The following MYBBP1A variants were observed in gnomAD, a reference collection of about 807,000 sequenced individuals.
The protein encoded by MYBBP1A is myb-binding protein 1A.
Under a neutral mutation model 136.3 loss-of-function variants are expected in MYBBP1A, and 147 were observed. That is an observed-to-expected ratio of 1.08 (90% CI 0.94 to 1.24). The LOEUF is 1.24. Ranked by LOEUF, MYBBP1A falls within the 50% of genes most tolerant of loss-of-function variation. MYBBP1A has a pLI of 0.00. For missense variants in MYBBP1A, 2,060 were observed against 1,727.4 expected, an observed-to-expected ratio of 1.19 and a Z score of -3.41; for synonymous variants, 947 against 735.8, an observed-to-expected ratio of 1.29 and a Z score of -4.65.
rs764255430 is a variant in MYBBP1A at position 4,543,111 on chromosome 17, C to T, written c.2694G>A (p.Gly898=). The T allele has an allele frequency of 1.2e-6, 2 of 1,612,306 alleles. No individual in the cohort carries two copies. Among genetic ancestry groups the T allele is most frequent in the Non-Finnish European group, 1.7e-6 (2 of 1,179,476 alleles). The change falls in exon 20 of 26, where the codon GGG becomes GGA. Residue 898 remains glycine (G), a synonymous_variant. Coordinates refer to ENST00000254718, the MANE Select transcript of MYBBP1A (RefSeq NM_014520.4). The stretch of plus-strand genomic sequence containing the variant: ...ACCGCTCCACCTGGGCGTGCAGGGC[C>T]CCTGCGCGCTCACCCAAGTCGTGGC... ...RYCHDLGERA[G]ALHAQVERLV... is the part of the protein sequence containing the mutation.
At chr17:4,554,810 C>T (rs1567615749) in intron 2 of MYBBP1A, 51 bp downstream of exon 2, 1 of 1,568,962 alleles carries the variant, frequency 6.4e-7, no homozygotes, top group Non-Finnish European at 8.7e-7. Context: ...CTCCTCATAC[C>T]CCACCATTTT....
At position 4,544,860 on chromosome 17, in the gene MYBBP1A, T is replaced by C. The variant is rs1439727293; in HGVS notation, c.2372A>G (p.Gln791Arg). Residue 791 changes from glutamine to arginine, a missense_variant, in exon 18 of 26, where the codon CAG (glutamine) becomes CGG (arginine). Physicochemically the swap from Gln to Arg is conservative, Grantham distance 43. Coordinates refer to ENST00000254718, the MANE Select transcript of MYBBP1A (RefSeq NM_014520.4). ...LGDEAMMALDQSLASLFAEQK... is the reference protein window; with the variant it reads ...LGDEAMMALDRSLASLFAEQK... ...CTCGGCAAAGAGGCTGGCGAGGCTCTGGTCCAGGGCCATCATGGCCTCATC... is the reference window on the plus strand; with the variant it reads ...CTCGGCAAAGAGGCTGGCGAGGCTCCGGTCCAGGGCCATCATGGCCTCATC... 2 of 1,608,152 alleles carry C rather than the reference T, an allele frequency of 1.2e-6. No homozygotes were observed. The highest frequency in any genetic ancestry group is 1.7e-6 in the Non-Finnish European group (2 of 1,177,946).
Position 4,548,668 on chromosome 17 carries a change from TG to T in MYBBP1A, c.1431-20del, listed in dbSNP as rs1907226194. 1 of 1,612,738 alleles carries T rather than the reference TG, an allele frequency of 6.2e-7. No homozygotes were observed. The highest frequency in any genetic ancestry group is 2.2e-5 in the East Asian group (1 of 44,808). Reference sequence around the variant, plus strand: ...ACAAAACCTGGGGAGGGTGGGAGAGTGGCCATAGCCATTCACTGCCATTGGT... The same window carrying T: ...ACAAAACCTGGGGAGGGTGGGAGAGTGCCATAGCCATTCACTGCCATTGGT... On this transcript the variant is annotated intron_variant, in intron 10 of 25. Transcript: ENST00000254718. The surrounding 1 kb of genome is among the most constrained non-coding windows in gnomAD (Gnocchi z 4.2).
intron 8 of MYBBP1A, 142 bp from the exon 9 acceptor site, chr17:4,550,495 G>A (rs1597387695): frequency 1.1e-6 from 1 of 897,144 alleles, no homozygotes; most frequent in South Asian, 1.6e-5. Flanking sequence ...CCAGGCTTGT[G>A]CCCACTACAG....
Position 4,555,166 on chromosome 17 carries a change from G to T in MYBBP1A, c.159C>A (p.Ala53=), listed in dbSNP as rs1384112426. ...GCAGATACTCCAGCAGCTTCTCCGT[G>T]GCCGCAAGTCGCGTCTCCTGCTCAG... ...AKPEQETRLA[A]TEKLLEYLRG... The change falls in exon 1 of 26, where the codon GCC becomes GCA. Residue 53 remains alanine, a synonymous_variant. Transcript: ENST00000254718. 6.2e-7 allele frequency: 1 copy of T among 1,603,038 alleles called. No homozygotes were observed. Among genetic ancestry groups the T allele is most frequent in the Non-Finnish European group, 8.5e-7 (1 of 1,174,982 alleles).
chr17:4,544,981 C>A (rs780196289), intron 17 of MYBBP1A, 45 bp downstream of exon 17: 5 of 1,520,748 alleles, frequency 3.3e-6, no homozygotes, highest in South Asian at 1.2e-5. Flanking sequence ...CATGGGGACA[C>A]CCGAGCCCTC....
intron 25 of MYBBP1A, 94 bp from the exon 26 acceptor site, chr17:4,540,061 C>T (rs371251112): frequency 9.8e-6 from 14 of 1,428,810 alleles, no homozygotes; most frequent in Non-Finnish European, 1.3e-5. Context: ...TGAGGGTCCT[C>T]TGAGGCCCCT....
intron 2 of MYBBP1A, 42 bp from the exon 3 acceptor site, chr17:4,554,320 G>A (rs1191229159): frequency 2.6e-6 from 4 of 1,566,766 alleles, no homozygotes; most frequent in Non-Finnish European, 3.5e-6. Flanking sequence ...GTTCAGGAGA[G>A]TGGCCCAACT....
Position 4,552,358 on chromosome 17 carries a change from C to T in MYBBP1A, c.738-66G>A, listed in dbSNP as rs2061712256. 6 of 1,605,170 alleles carry T rather than the reference C, an allele frequency of 3.7e-6. No individual in the cohort carries two copies. In the South Asian group the frequency reaches 5.5e-5, roughly 15 times the overall value. On this transcript the variant is annotated intron_variant, in intron 6 of 25. Coordinates refer to ENST00000254718, the MANE Select transcript of MYBBP1A (RefSeq NM_014520.4). This position sits in a 1 kb window ranked among gnomAD's most constrained non-coding sequence, Gnocchi z 4.7. ...GCAAGGGCCAGGGTGACAAGAGCAG[C>T]CGGGACACCCCCAGGCCAAACGACA...
At chr17:4,553,676 A>G (rs893842208) in intron 5 of MYBBP1A, 134 bp downstream of exon 5, 8 of 656,166 alleles carry the variant, frequency 1.2e-5, no homozygotes, top group Non-Finnish European at 1.8e-5. Context: ...CTTTTCAACA[A>G]AGTCACTGAA....
intron 13 of MYBBP1A, among the ~76,000 whole-genome samples, 169 bp from the exon 14 acceptor site, chr17:4,546,111 G>A (rs938139573): frequency 1.3e-5 from 2 of 152,164 alleles, no homozygotes; most frequent in African/African-American, 4.8e-5. Flanking sequence ...GACCCCAGCT[G>A]GACACCCCAA....
intron 13 of MYBBP1A, chr17:4,547,737 A>G (rs910569675): frequency 1.9e-5 from 9 of 473,718 alleles, no homozygotes; most frequent in African/African-American, 1.4e-4. Context: ...AGCTGTGGGG[A>G]TTACGAGATC....
chr17:4,552,577 T>G lies in MYBBP1A; in HGVS notation c.611A>C (p.Asp204Ala). 2 of 1,613,946 alleles carry G rather than the reference T, an allele frequency of 1.2e-6. No homozygotes were observed. Among genetic ancestry groups the G allele is most frequent in the Non-Finnish European group, 1.7e-6 (2 of 1,180,012 alleles). The stretch of plus-strand genomic sequence containing the variant: ...AGGGGAGCTGAGTATTATATTCAAG[T>G]CGGCTTTGAGGACCTCCGGCAGGAT... The part of the protein sequence containing the change: ...QEILPEVLKA[D>A]LNIILSSPEQ... Residue 204 changes from aspartate to alanine, a missense_variant, in exon 6 of 26, where the codon GAC becomes GCC. By Grantham distance (126) the Asp-to-Ala change is moderately radical. Transcript: ENST00000254718. The surrounding 1 kb of genome is among the most constrained non-coding windows in gnomAD (Gnocchi z 4.7).
At chr17:4,546,641 A>C (rs74640976) in intron 13 of MYBBP1A, among the ~76,000 whole-genome samples, 1,648 of 152,342 alleles carry the variant, frequency 0.011, 27 homozygotes, top group African/African-American at 0.034. Flanking sequence ...GAAAGTCATT[A>C]GTTTTAACTA....
At position 4,539,928 on chromosome 17, in the gene MYBBP1A, G is replaced by A. The variant is rs764958122; in HGVS notation, c.3474C>T (p.Pro1158=). The change falls in exon 26 of 26, where the codon CCC becomes CCT. Residue 1158 remains proline, a synonymous_variant. Coordinates refer to ENST00000254718, the MANE Select transcript of MYBBP1A (RefSeq NM_014520.4). ...TACTGATGGGGCTCTGGGTGGCACT[G>A]GGGATCTCCTTGGCATCCTTCTTCT... ...KLEKKDAKEI[P]SATQSPISKK... 3.8e-6 allele frequency: 6 copies of A among 1,599,760 alleles called. No individual in the cohort carries two copies. The highest frequency in any genetic ancestry group is 1.3e-5 in the African/African-American group (1 of 75,040).
Position 4,539,380 on chromosome 17 carries a change from TGGAGGCA to T in MYBBP1A, c.*28_*34del. ...AAAAAAAATAGGCGTCTCAGGCAGA[TGGAGGCA>T]GGGGCTGAGGGGGGCCCGTACCTGT... On this transcript the variant is annotated 3_prime_UTR_variant, in exon 26 of 26. Transcript: ENST00000254718. 2 of 1,537,732 alleles carry T rather than the reference TGGAGGCA, an allele frequency of 1.3e-6. No individual in the cohort carries two copies. Among genetic ancestry groups the T allele is most frequent in the Non-Finnish European group, 1.7e-6 (2 of 1,146,524 alleles).
At chr17:4,541,401 G>C in intron 24 of MYBBP1A, 62 bp downstream of exon 24, 1 of 1,430,028 alleles carries the variant, frequency 7.0e-7, no homozygotes, top group South Asian at 1.1e-5. Flanking sequence ...ACTGCTGGCC[G>C]GGAGGCCCCA....
Position 4,553,936 on chromosome 17 carries a change from CAG to C in MYBBP1A, c.454-21_454-20del. The C allele has an allele frequency of 6.2e-7, 1 of 1,613,972 alleles. No homozygotes were observed. The highest frequency in any genetic ancestry group is 2.2e-5 in the East Asian group (1 of 44,876). The stretch of plus-strand genomic sequence containing the variant: ...CCTGGTCCTGGTCCCCACAGAGGGA[CAG>C]AGGGTATGAGCAGGGCACACGACTG... On this transcript the variant is annotated intron_variant, in intron 4 of 25. Coordinates refer to ENST00000254718, the MANE Select transcript of MYBBP1A (RefSeq NM_014520.4).
In MYBBP1A at chr17:4,545,479, G is replaced by A. The variant is rs1395207369; in HGVS notation, c.2073+131C>T. On this transcript the variant is annotated intron_variant, in intron 15 of 25. Transcript: ENST00000254718. ...GGAGAGGCGGCCAGGCCAGGCCAAG[G>A]CCTCGTTGAGACCCCTCCCACCGGC... is the stretch of plus-strand genomic sequence containing the variant. The A allele has an allele frequency of 1.9e-5, 29 of 1,492,442 alleles. No individual in the cohort carries two copies. The Admixed American group carries it at 3.6e-4, about 19-fold the overall frequency. The allele number at this position is 1,492,442 out of a possible 1,614,324, so 92.4% of individuals were successfully genotyped here. A position where few individuals can be genotyped will look rare whatever the true frequency, so the allele number is the denominator to read the frequency against.
Sources: allele counts gnomAD v4.1 joint callset (sites outside exome capture counted in the v4.1 genomes callset), GRCh38; gene constraint gnomAD v4.1.1; non-coding constraint Gnocchi (gnomAD v3.1); transcripts MANE v1.5; gene names NCBI Gene and HGNC (gene_info 2026-07-23, HGNC 2026-07-21).